Variants in FUT8 observed in about 807,000 individuals in gnomAD.
The protein encoded by FUT8 is alpha-(1,6)-fucosyltransferase.
FUT8 carries 29 observed loss-of-function variants against 71.3 expected under a neutral mutation model. The observed-to-expected ratio is 0.41, with a 90% CI of 0.30 to 0.55. The LOEUF is 0.55. Among genes scored for constraint, FUT8 ranks in the 20% least tolerant of loss-of-function variants. The pLI is 0.34. For missense variants in FUT8, 544 were observed against 702.1 expected, an observed-to-expected ratio of 0.77 and a Z score of 2.55; for synonymous variants, 254 against 239.3, an observed-to-expected ratio of 1.06 and a Z score of -0.57.
chr14:65,651,309 C>T (rs896745682), intron 6 of FUT8, among the ~76,000 whole-genome samples: 2 of 152,184 alleles, frequency 1.3e-5, no homozygotes, highest in Non-Finnish European at 2.9e-5. Context: ...CTGTGTTATA[C>T]CACCCAGGTT....
chr14:65,436,855 A>AAAATTTGAGTACTAC (rs1265529142), intron 1 of FUT8, among the ~76,000 whole-genome samples: 2 of 152,310 alleles, frequency 1.3e-5, no homozygotes, highest in South Asian at 4.1e-4. Flanking sequence ...GGTTCCATGG[A>AAAATTTGAGTACTAC]AAATTTGAGT....
Position 65,743,040 on chromosome 14 carries a change from C to T in FUT8, c.*630C>T, listed in dbSNP as rs1896583029. The T allele has an allele frequency of 6.6e-6, 1 of 151,328 alleles. No homozygotes were observed. Among genetic ancestry groups the T allele is most frequent in the Non-Finnish European group, 1.5e-5 (1 of 67,734 alleles). The allele number at this position is 151,328 out of a possible 1,614,324, so 9.4% of individuals were successfully genotyped here. ...TACATCAGAAAATAAAATATTCACT[C>T]TCCATTAGAAAATTTTGTAAAACAA... On this transcript the variant is annotated 3_prime_UTR_variant, in exon 11 of 11. Coordinates refer to ENST00000673929, the MANE Select transcript of FUT8 (RefSeq NM_001371533.1).
chr14:65,635,942 T>C (rs1407215886), intron 6 of FUT8, among the ~76,000 whole-genome samples: 1 of 152,190 alleles, frequency 6.6e-6, no homozygotes, highest in Non-Finnish European at 1.5e-5. Flanking sequence ...TCTGGTAGAA[T>C]TCAGCTGTGA....
chr14:65,597,002 A>G (rs1566842299), intron 3 of FUT8, among the ~76,000 whole-genome samples: 1 of 152,212 alleles, frequency 6.6e-6, no homozygotes. Context: ...GTTCCACAAT[A>G]GAACACAATA....
At chr14:65,589,441 C>CTTT (rs35606286) in intron 3 of FUT8, among the ~76,000 whole-genome samples, 3,766 of 109,882 alleles carry the variant, frequency 0.034, 256 homozygotes, top group African/African-American at 0.056. Context: ...TGCCTTAAAT[C>CTTT]TTTTTTTTTT....
rs767077095 is a variant in FUT8 at position 65,607,457 on chromosome 14, ATTTTG to A, written c.204-8516_204-8512del. ...TTGTTTCCATTGAGATTGTAATTTT[ATTTTG>A]TTTTAATTTGTTAATGTAATCAATT... is the stretch of plus-strand genomic sequence containing the variant. On this transcript the variant is annotated intron_variant, in intron 3 of 10. Transcript: ENST00000673929. This position sits in a 1 kb window ranked among gnomAD's most constrained non-coding sequence, Gnocchi z 4.1. Among the ~76,000 whole-genome samples the A allele has an allele frequency of 3.6e-4, 54 of 151,918 alleles. No individual in the cohort carries two copies. The highest frequency in any genetic ancestry group is 6.3e-4 in the Non-Finnish European group (43 of 67,864).
chr14:65,460,993 A>G (rs1482811075), intron 2 of FUT8, among the ~76,000 whole-genome samples: 2 of 152,208 alleles, frequency 1.3e-5, no homozygotes, highest in Admixed American at 6.5e-5. Flanking sequence ...TAATGTACCT[A>G]GAAAGCTGTG....
At chr14:65,629,986 A>G (rs1890104066) in intron 6 of FUT8, among the ~76,000 whole-genome samples, 1 of 152,206 alleles carries the variant, frequency 6.6e-6, no homozygotes, top group Non-Finnish European at 1.5e-5. Flanking sequence ...AAACTGTAAA[A>G]GATAGTTAAA....
intron 3 of FUT8, among the ~76,000 whole-genome samples, chr14:65,610,524 G>A (rs1443363333): frequency 6.6e-6 from 1 of 151,668 alleles, no homozygotes; most frequent in Admixed American, 6.6e-5. Context: ...CGAGTAGCTG[G>A]GATTACAGGC....
chr14:65,697,991 C>CA (rs11383641), intron 7 of FUT8, among the ~76,000 whole-genome samples: 24,765 of 132,426 alleles, frequency 0.19, 2,232 homozygotes, highest in East Asian at 0.4. Context: ...AACTCCATCT[C>CA]AAAAAAAAAA....
chr14:65,534,946 G>A (rs1486860519), intron 2 of FUT8, among the ~76,000 whole-genome samples: 4 of 151,068 alleles, frequency 2.6e-5, no homozygotes, highest in Non-Finnish European at 2.9e-5. Flanking sequence ...TCTGATTTTG[G>A]TTATTCTGCT....
At chr14:65,677,656 A>G (rs1892826386) in intron 7 of FUT8, among the ~76,000 whole-genome samples, 1 of 152,166 alleles carries the variant, frequency 6.6e-6, no homozygotes, top group South Asian at 2.1e-4. Context: ...TATATTTATA[A>G]TGTTTTTAAT....
intron 7 of FUT8, among the ~76,000 whole-genome samples, chr14:65,692,243 C>T (rs1460283556): frequency 6.7e-6 from 1 of 150,180 alleles, no homozygotes; most frequent in Non-Finnish European, 1.5e-5. Flanking sequence ...GACCCCCCCA[C>T]CTCCCTCCCA....
At chr14:65,367,142 G>A in the FUT8 span, among the ~76,000 whole-genome samples, 5 of 152,142 alleles carry the variant, frequency 3.3e-5, no homozygotes, top group African/African-American at 7.2e-5. Context: ...CTGAAGACTC[G>A]TTTCTACATT....
chr14:65,469,365 A>C (rs908127756), intron 2 of FUT8, among the ~76,000 whole-genome samples: 1 of 150,470 alleles, frequency 6.6e-6, no homozygotes, highest in African/African-American at 2.4e-5. Flanking sequence ...TGAGGTAAAT[A>C]GGCCTTTAGT....
the FUT8 span, among the ~76,000 whole-genome samples, chr14:65,373,458 G>A: frequency 6.6e-6 from 1 of 151,882 alleles, no homozygotes; most frequent in East Asian, 2.0e-4. Flanking sequence ...GGCTGGGGCA[G>A]TCAGAGAGGA....
chr14:65,602,735 A>C (rs1888373496), intron 3 of FUT8, among the ~76,000 whole-genome samples: 1 of 151,766 alleles, frequency 6.6e-6, no homozygotes, highest in South Asian at 2.1e-4. Flanking sequence ...AGGTGGTATC[A>C]CATTGTGGTT....
chr14:65,597,425 G>A (rs1888041549), intron 3 of FUT8, among the ~76,000 whole-genome samples: 1 of 151,634 alleles, frequency 6.6e-6, no homozygotes, highest in Non-Finnish European at 1.5e-5. Flanking sequence ...TCAGGAGATC[G>A]AGACCATCCT....
At chr14:65,420,023 AAC>A (rs1363042388) in intron 1 of FUT8, among the ~76,000 whole-genome samples, 2 of 152,232 alleles carry the variant, frequency 1.3e-5, no homozygotes, top group Non-Finnish European at 2.9e-5. Context: ...TAAGTAAACA[AAC>A]ACACAATATT....
Sources: allele counts gnomAD v4.1 joint callset (sites outside exome capture counted in the v4.1 genomes callset), GRCh38; gene constraint gnomAD v4.1.1; non-coding constraint Gnocchi (gnomAD v3.1); transcripts MANE v1.5; gene names NCBI Gene and HGNC (gene_info 2026-07-23, HGNC 2026-07-21).